Variants in NT5C2 observed in about 807,000 individuals in gnomAD.
NT5C2 encodes cytosolic purine 5'-nucleotidase.
A neutral mutation model predicts 76.1 loss-of-function variants in NT5C2; 58 were observed. The observed-to-expected ratio is 0.76, with a 90% CI of 0.62 to 0.95. The LOEUF (loss-of-function observed/expected upper bound fraction) is 0.95. Among genes scored for constraint, NT5C2 ranks in the 40% least tolerant of loss-of-function variants. The pLI is 0.00. For missense variants in NT5C2, 478 were observed against 690.3 expected, an observed-to-expected ratio of 0.69 and a Z score of 3.45; for synonymous variants, 229 against 237.4, an observed-to-expected ratio of 0.96 and a Z score of 0.32.
chr10:103,153,336 AC>A, intron 3 of NT5C2: 1 of 1,278,814 alleles, frequency 7.8e-7, no homozygotes, highest in Non-Finnish European at 1.0e-6. Context: ...GGATGAGAAT[AC>A]AGGATCAACA....
intron 3 of NT5C2, among the ~76,000 whole-genome samples, chr10:103,148,028 C>T (rs1192780769): frequency 6.6e-6 from 1 of 152,124 alleles, no homozygotes; most frequent in Non-Finnish European, 1.5e-5. Context: ...AGACCTCAGT[C>T]TGCCATTATG....
intron 3 of NT5C2, among the ~76,000 whole-genome samples, chr10:103,155,275 T>C (rs2083137225): frequency 6.6e-6 from 1 of 152,164 alleles, no homozygotes. Flanking sequence ...CTTGGCTGAG[T>C]CTTAGAGATA....
At chr10:103,131,864 A>C (rs1591273517) in intron 4 of NT5C2, among the ~76,000 whole-genome samples, 1 of 152,214 alleles carries the variant, frequency 6.6e-6, no homozygotes, top group East Asian at 1.9e-4. Context: ...TAAGGCTGCA[A>C]TGAACCATGA....
chr10:103,168,702 G>C (rs544503748), intron 3 of NT5C2, among the ~76,000 whole-genome samples: 1 of 152,246 alleles, frequency 6.6e-6, no homozygotes, highest in East Asian at 1.9e-4. Flanking sequence ...CATTTTAAAG[G>C]CTAGTTTCTT....
chr10:103,096,635 G>T (rs1246475672), intron 11 of NT5C2, among the ~76,000 whole-genome samples: 1 of 151,928 alleles, frequency 6.6e-6, no homozygotes, highest in African/African-American at 2.4e-5. Context: ...CACGAGGTCA[G>T]GAGTTCAAGA....
At chr10:103,145,329 CACTGAGGTTATAGCAAA>C (rs1473608351) in intron 3 of NT5C2, among the ~76,000 whole-genome samples, 2 of 152,164 alleles carry the variant, frequency 1.3e-5, no homozygotes, top group African/African-American at 4.8e-5. Context: ...GACTACTCTT[CACTGAGGTTATAGCAAA>C]ACAAAGTGTT....
chr10:103,184,034 C>T (rs2091686959), intron 1 of NT5C2, among the ~76,000 whole-genome samples: 1 of 151,462 alleles, frequency 6.6e-6, no homozygotes, highest in Admixed American at 6.6e-5. Context: ...CTCAATGCAA[C>T]CTCCGCCTCC....
At chr10:103,092,476 G>A (rs1466125171) in intron 15 of NT5C2, among the ~76,000 whole-genome samples, 2 of 152,144 alleles carry the variant, frequency 1.3e-5, no homozygotes, top group Admixed American at 6.5e-5. Context: ...CTTGCCTAAC[G>A]GCATGCAGAT....
chr10:103,135,040 G>C (rs1256759211), intron 4 of NT5C2, among the ~76,000 whole-genome samples: 2 of 152,218 alleles, frequency 1.3e-5, no homozygotes, highest in Non-Finnish European at 2.9e-5. Context: ...ACTTGCTTTT[G>C]ATTTTACAGG....
At chr10:103,160,540 T>C (rs1275836995) in intron 3 of NT5C2, among the ~76,000 whole-genome samples, 1 of 152,096 alleles carries the variant, frequency 6.6e-6, no homozygotes, top group Non-Finnish European at 1.5e-5. Flanking sequence ...TAAAGAACTT[T>C]TACAACTCCA....
At chr10:103,170,707 T>G (rs1426041941) in intron 3 of NT5C2, among the ~76,000 whole-genome samples, 1 of 151,698 alleles carries the variant, frequency 6.6e-6, no homozygotes, top group Non-Finnish European at 1.5e-5. Context: ...GTTTTTTTTT[T>G]GTAGAGACAG....
At chr10:103,184,425 ATCAC>A (rs1419556066) in intron 1 of NT5C2, among the ~76,000 whole-genome samples, 1 of 152,142 alleles carries the variant, frequency 6.6e-6, no homozygotes, top group Non-Finnish European at 1.5e-5. Flanking sequence ...ACCCACACAC[ATCAC>A]TCACTGTCCT....
At chr10:103,159,251 G>GCACACACACACACA (rs57117670) in intron 3 of NT5C2, among the ~76,000 whole-genome samples, 3 of 133,202 alleles carry the variant, frequency 2.3e-5, no homozygotes, top group Non-Finnish European at 3.2e-5. Context: ...TCCAAAACAT[G>GCACACACACACACA]CACACACACA....
At chr10:103,129,917 C>G (rs1307806848) in intron 4 of NT5C2, among the ~76,000 whole-genome samples, 1 of 96,308 alleles carries the variant, frequency 1.0e-5, no homozygotes, top group Non-Finnish European at 2.1e-5. Flanking sequence ...CCGCCCCGTC[C>G]GGGAGGGAGG....
At chr10:103,126,561 G>A (rs2076697170) in intron 4 of NT5C2, among the ~76,000 whole-genome samples, 1 of 152,208 alleles carries the variant, frequency 6.6e-6, no homozygotes, top group Admixed American at 6.5e-5. Context: ...GGCGGAGGTT[G>A]CAGTGAGCAG....
At chr10:103,138,389 C>T (rs2079709714) in intron 4 of NT5C2, among the ~76,000 whole-genome samples, 1 of 152,168 alleles carries the variant, frequency 6.6e-6, no homozygotes, top group Non-Finnish European at 1.5e-5. Context: ...GTTTTAAGCC[C>T]TGCATGCGTT....
chr10:103,136,626 ATTT>A (rs71019660), intron 4 of NT5C2, among the ~76,000 whole-genome samples: 4 of 142,998 alleles, frequency 2.8e-5, no homozygotes, highest in African/African-American at 5.2e-5. Context: ...TCAGTTAATT[ATTT>A]TTTTTTTTTT....
At chr10:103,111,817 CA>C (rs908036906) in intron 4 of NT5C2, 2 of 1,230,152 alleles carry the variant, frequency 1.6e-6, no homozygotes, top group Non-Finnish European at 2.0e-6. Context: ...TGTTAAAAAA[CA>C]AAAAGCAACA....
intron 4 of NT5C2, among the ~76,000 whole-genome samples, chr10:103,123,122 CTTT>C (rs140001466): frequency 6.6e-6 from 1 of 151,996 alleles, no homozygotes; most frequent in African/African-American, 2.4e-5. Flanking sequence ...ACTTAGTAGC[CTTT>C]TTTATTTTTT....
Sources: allele counts gnomAD v4.1 joint callset (sites outside exome capture counted in the v4.1 genomes callset), GRCh38; gene constraint gnomAD v4.1.1; transcripts MANE v1.5; gene names NCBI Gene and HGNC (gene_info 2026-07-23, HGNC 2026-07-21).